The following ZFPM2 variants were observed in gnomAD, a reference collection of about 807,000 sequenced individuals.
ZFPM2 encodes the protein zinc finger protein, FOG family member 2.
Under a neutral mutation model 98.6 loss-of-function variants are expected in ZFPM2, and 20 were observed. The ratio of observed to expected loss-of-function variants is 0.20; its 90% CI spans 0.14 to 0.29. The LOEUF is 0.29. ZFPM2 is among the 10% of genes least tolerant of loss of function. ZFPM2 has a pLI of 1.00. For missense variants in ZFPM2, 1,310 were observed against 1,388.6 expected, an observed-to-expected ratio of 0.94 and a Z score of 0.90; for synonymous variants, 518 against 502.7, an observed-to-expected ratio of 1.03 and a Z score of -0.41.
At chr8:105,758,162 TG>T (rs1812650719) in intron 5 of ZFPM2, among the ~76,000 whole-genome samples, 1 of 152,146 alleles carries the variant, frequency 6.6e-6, no homozygotes, top group Admixed American at 6.6e-5. Context: ...CCTAAGTACC[TG>T]CTTTGTGAAC....
At chr8:105,466,893 A>G (rs1026050045) in intron 3 of ZFPM2, among the ~76,000 whole-genome samples, 12 of 152,070 alleles carry the variant, frequency 7.9e-5, no homozygotes, top group African/African-American at 2.9e-4. Context: ...AAAAGCCTAA[A>G]ATTTCTATTC....
intron 5 of ZFPM2, among the ~76,000 whole-genome samples, chr8:105,653,468 CTAA>C (rs1261943768): frequency 2.0e-5 from 3 of 152,178 alleles, no homozygotes; most frequent in African/African-American, 7.2e-5. Context: ...AAAAATTTGA[CTAA>C]TGTCTTACTA....
chr8:105,667,049 T>A (rs1476708936), intron 5 of ZFPM2, among the ~76,000 whole-genome samples: 1 of 152,220 alleles, frequency 6.6e-6, no homozygotes. Context: ...GAACACAGTT[T>A]TTATTTGAAA....
At chr8:105,515,056 A>T (rs960940609) in intron 3 of ZFPM2, among the ~76,000 whole-genome samples, 1 of 152,174 alleles carries the variant, frequency 6.6e-6, no homozygotes, top group African/African-American at 2.4e-5. Flanking sequence ...GTAACTCGGG[A>T]AGCTTTAAAG....
At chr8:105,434,273 A>T (rs2130159142) in intron 2 of ZFPM2, among the ~76,000 whole-genome samples, 1 of 152,270 alleles carries the variant, frequency 6.6e-6, no homozygotes, top group African/African-American at 2.4e-5. Context: ...TCGTGTCTAT[A>T]ATTTGGTAAC....
chr8:105,633,563 A>G (rs1178979633), intron 4 of ZFPM2, among the ~76,000 whole-genome samples: 1 of 152,222 alleles, frequency 6.6e-6, no homozygotes, highest in South Asian at 2.1e-4. Context: ...CTTTGTTAGA[A>G]TTATAGCACT....
At chr8:105,374,510 C>T (rs1445347484) in intron 1 of ZFPM2, among the ~76,000 whole-genome samples, 5 of 152,014 alleles carry the variant, frequency 3.3e-5, no homozygotes, top group African/African-American at 1.2e-4. Flanking sequence ...TTCAGCCTCA[C>T]AAGTAGCTGG....
intron 5 of ZFPM2, among the ~76,000 whole-genome samples, chr8:105,691,243 T>C (rs1810873122): frequency 3.0e-5 from 3 of 98,592 alleles, no homozygotes; most frequent in African/African-American, 5.0e-5. Flanking sequence ...TTTTTTTTTT[T>C]TTTTTTTTTT....
At chr8:105,634,442 G>T (rs1320558807) in intron 5 of ZFPM2, 85 bp downstream of exon 5, 6 of 1,063,854 alleles carry the variant, frequency 5.6e-6, no homozygotes, top group Non-Finnish European at 8.5e-6. Flanking sequence ...TGGAATGGAA[G>T]TACAAAGTAT....
rs1373853659 is a variant in ZFPM2 at position 105,327,163 on chromosome 8, T to C, written c.40+8182T>C. Among the ~76,000 whole-genome samples the C allele has an allele frequency of 3.3e-5, 5 of 151,504 alleles. No individual in the cohort carries two copies. In the East Asian group the frequency reaches 7.7e-4, roughly 23 times the overall value. ...GAGAGAGAAAAAAAGATTTTTTAGC[T>C]AGTTGACATCTGTATAATATTGCAT... On this transcript the variant is annotated intron_variant, in intron 1 of 7. Coordinates refer to ENST00000407775, the MANE Select transcript of ZFPM2 (RefSeq NM_012082.4).
At chr8:105,631,069 T>C (rs1163047417) in intron 4 of ZFPM2, among the ~76,000 whole-genome samples, 4 of 152,204 alleles carry the variant, frequency 2.6e-5, no homozygotes, top group African/African-American at 9.7e-5. Context: ...GGATATTATT[T>C]AATTTTTCAG....
intron 5 of ZFPM2, among the ~76,000 whole-genome samples, chr8:105,761,349 T>C (rs1465469014): frequency 6.6e-6 from 1 of 152,112 alleles, no homozygotes. Flanking sequence ...TGAATACAGG[T>C]TGAGTAACTA....
At chr8:105,634,155 T>C in intron 4 of ZFPM2, 91 bp from the exon 5 acceptor site, 2 of 947,314 alleles carry the variant, frequency 2.1e-6, no homozygotes, top group Non-Finnish European at 1.6e-6. Flanking sequence ...GATTTAGTTG[T>C]TTGTAAAAAT....
intron 3 of ZFPM2, among the ~76,000 whole-genome samples, chr8:105,535,725 C>T (rs1414218967): frequency 6.6e-6 from 1 of 152,160 alleles, no homozygotes; most frequent in Non-Finnish European, 1.5e-5. Flanking sequence ...TTCAGATGCT[C>T]AGCCCTGGAG....
At chr8:105,750,896 A>G (rs777515791) in intron 5 of ZFPM2, among the ~76,000 whole-genome samples, 15 of 152,056 alleles carry the variant, frequency 9.9e-5, no homozygotes, top group Non-Finnish European at 2.1e-4. Context: ...AGCAAAGCTA[A>G]AGAGAGTTTT....
At chr8:105,505,538 CT>C (rs567393653) in intron 3 of ZFPM2, among the ~76,000 whole-genome samples, 8 of 149,874 alleles carry the variant, frequency 5.3e-5, no homozygotes, top group South Asian at 2.1e-4. Context: ...TTAAAACATA[CT>C]TTTTTTTTTC....
rs117371716 is a variant in ZFPM2 at position 105,795,247 on chromosome 8, T to C, written c.740-3477T>C. Among the ~76,000 whole-genome samples the C allele has an allele frequency of 5.2e-3, 151 of 29,292 alleles. No homozygotes were observed. In the African/African-American group the frequency reaches 0.053, roughly 10 times the overall value. The allele number at this position is 29,292 out of a possible 152,430, so 19.2% of individuals were successfully genotyped here. On this transcript the variant is annotated intron_variant, in intron 6 of 7. Transcript: ENST00000407775. ...TGGCTCCTCCCCCTCATTTTATCTT[T>C]GTGTGTGTGTGTGTGTGTGTGTGTG...
chr8:105,456,606 T>G (rs1043972513), intron 3 of ZFPM2, among the ~76,000 whole-genome samples: 1 of 152,182 alleles, frequency 6.6e-6, no homozygotes, highest in Non-Finnish European at 1.5e-5. Context: ...CTACTCTGAA[T>G]CTACTATCCA....
chr8:105,464,725 C>G (rs1812765904), intron 3 of ZFPM2, among the ~76,000 whole-genome samples: 1 of 151,606 alleles, frequency 6.6e-6, no homozygotes, highest in Non-Finnish European at 1.5e-5. Flanking sequence ...ATTGAACGCC[C>G]TCAAGCTGTT....
Sources: gnomAD v4.1 joint callset for allele counts (sites outside exome capture counted in the v4.1 genomes callset) on GRCh38, gnomAD v4.1.1 for gene constraint, MANE v1.5 for transcripts, NCBI Gene and HGNC (gene_info 2026-07-23, HGNC 2026-07-21) for gene names.